Variants in USP8 observed in about 807,000 individuals in gnomAD.
The protein encoded by USP8 is ubiquitin carboxyl-terminal hydrolase 8.
USP8 carries 27 observed loss-of-function variants against 130.0 expected under a neutral mutation model. The ratio of observed to expected loss-of-function variants is 0.21; its 90% CI spans 0.15 to 0.29. USP8 has a LOEUF of 0.29. Ranked by LOEUF, USP8 falls within the 10% of genes least tolerant of loss-of-function variation. USP8 has a pLI of 1.00. For synonymous variants in USP8, 392 were observed against 444.1 expected, an observed-to-expected ratio of 0.88 and a Z score of 1.48; for missense variants, 1,029 against 1,312.2, an observed-to-expected ratio of 0.78 and a Z score of 3.33.
intron 1 of USP8, among the ~76,000 whole-genome samples, chr15:50,429,292 C>T (rs931276469): frequency 1.4e-5 from 2 of 145,858 alleles, no homozygotes; most frequent in African/African-American, 2.6e-5. Flanking sequence ...TGGGCATAAG[C>T]ATCCTGGAGG....
At position 50,441,363 on chromosome 15, in the gene USP8, C is replaced by A; in HGVS notation, c.119C>A (p.Ala40Asp). The A allele has an allele frequency of 6.3e-7, 1 of 1,596,456 alleles. No individual in the cohort carries two copies. The highest frequency in any genetic ancestry group is 1.8e-5 in the Admixed American group (1 of 54,604). ...CTAATTTTAAGTTATGTGCACAGTG[C>A]CCTGAAGATCTTTAAGACAGCAGAA... Reference protein sequence around the residue: ...KISTKSYVHSALKIFKTAEEC... With the variant: ...KISTKSYVHSDLKIFKTAEEC... Residue 40 changes from alanine to aspartate, a missense_variant, in exon 3 of 20, where the codon GCC (alanine) becomes GAC (aspartate). Ala to Asp is a moderately radical substitution (Grantham distance 126, BLOSUM62 -2). Transcript: ENST00000307179.
At chr15:50,497,309 G>T (rs1003509000) in intron 18 of USP8, 78 bp downstream of exon 18, 34 of 1,500,832 alleles carry the variant, frequency 2.3e-5, no homozygotes, top group Non-Finnish European at 2.9e-5. Flanking sequence ...TATACTTGTT[G>T]TACTGCCTGC....
At chr15:50,464,414 C>T (rs186763423) in intron 6 of USP8, among the ~76,000 whole-genome samples, 1 of 152,260 alleles carries the variant, frequency 6.6e-6, no homozygotes, top group Admixed American at 6.5e-5. Context: ...TTTTTGAAAA[C>T]ATACTATTTT....
chr15:50,434,300 A>G (rs140893062), intron 1 of USP8, among the ~76,000 whole-genome samples: 20 of 151,442 alleles, frequency 1.3e-4, no homozygotes, highest in Non-Finnish European at 2.7e-4. Flanking sequence ...ATGAGGTTTC[A>G]CCATGTTGGC....
intron 8 of USP8, among the ~76,000 whole-genome samples, chr15:50,472,089 G>A (rs1320038158): frequency 4.0e-5 from 6 of 151,404 alleles, no homozygotes; most frequent in Non-Finnish European, 4.4e-5. Context: ...TTAGAAGAGA[G>A]GGGGTTTCAC....
At chr15:50,444,811 C>T (rs1386180144) in intron 3 of USP8, among the ~76,000 whole-genome samples, 2 of 152,262 alleles carry the variant, frequency 1.3e-5, no homozygotes, top group South Asian at 2.1e-4. Flanking sequence ...GGTTGGAGTG[C>T]GGTGGGCACA....
intron 11 of USP8, among the ~76,000 whole-genome samples, chr15:50,483,823 T>C (rs2051857974): frequency 1.3e-5 from 2 of 152,216 alleles, no homozygotes; most frequent in East Asian, 1.9e-4. Flanking sequence ...TGTGATGTTA[T>C]AAGAAGATAT....
rs1187817723 is a variant in USP8, at chr15:50,441,445, G to T, written c.201G>T (p.Val67=). ...CCTATGTACTATATATGAAATACGT[G>T]ACTGTTTATAATCTTATCAAAAAAA... ...ERAYVLYMKY[V]TVYNLIKKRP... is the part of the protein sequence containing the mutation. The change falls in exon 3 of 20, where the codon GTG becomes GTT. Residue 67 remains valine (V), a synonymous_variant. Coordinates refer to ENST00000307179, the MANE Select transcript of USP8 (RefSeq NM_005154.5). 2 of 1,598,826 alleles carry T rather than the reference G, an allele frequency of 1.3e-6. No individual in the cohort carries two copies. The highest frequency in any genetic ancestry group is 1.8e-5 in the Admixed American group (1 of 56,348).
rs148955484 is a variant in USP8, at chr15:50,507,825, C to T, written c.*8737C>T. On this transcript the variant is annotated 3_prime_UTR_variant, in exon 20 of 20. Transcript: ENST00000307179. ...GTGGCTCATGCCTGTAATCCCAGCA[C>T]TTTGGGAGGCCAAGGCAGGCGAATC... 312 of 152,258 alleles carry T rather than the reference C, an allele frequency of 2.0e-3. 8 individuals carry two copies. The East Asian group carries it at 0.054, about 26-fold the overall frequency. The allele number at this position is 152,258 out of a possible 1,614,324, so 9.4% of individuals were successfully genotyped here. A position where few individuals can be genotyped will look rare whatever the true frequency, so the allele number is the denominator to read the frequency against.
At chr15:50,427,491 T>G (rs1357073495) in intron 1 of USP8, among the ~76,000 whole-genome samples, 1 of 152,110 alleles carries the variant, frequency 6.6e-6, no homozygotes, top group African/African-American at 2.4e-5. Flanking sequence ...AATATTAAAT[T>G]TATTAGTACT....
At chr15:50,482,701 A>G (rs1168805195) in intron 11 of USP8, among the ~76,000 whole-genome samples, 6 of 152,058 alleles carry the variant, frequency 3.9e-5, no homozygotes, top group Non-Finnish European at 5.9e-5. Context: ...TCATTATGTC[A>G]TTAACAATGC....
At position 50,481,894 on chromosome 15, in the gene USP8, G is replaced by A. The variant is rs562248830; in HGVS notation, c.1632G>A (p.Arg544=). The change falls in exon 11 of 20, where the codon AGG becomes AGA. Residue 544 remains arginine, a synonymous_variant. Transcript: ENST00000307179. ...KKEDKETSAK[R]GKEITGVKRQ... is the part of the protein sequence containing the mutation. ...AAGATAAAGAAACCTCAGCAAAGAG[G>A]GGCAAAGAAATAACAGGAGTAAAAA... The A allele has an allele frequency of 4.4e-6, 7 of 1,586,138 alleles. No homozygotes were observed. The East Asian group carries it at 9.1e-5, about 21-fold the overall frequency.
chr15:50,462,876 T>C (rs2051056673), intron 6 of USP8, among the ~76,000 whole-genome samples: 1 of 152,140 alleles, frequency 6.6e-6, no homozygotes, highest in Non-Finnish European at 1.5e-5. Context: ...GACTAGGTTG[T>C]AGATTTAATT....
chr15:50,452,758 AC>A, intron 4 of USP8, among the ~76,000 whole-genome samples: 1 of 152,260 alleles, frequency 6.6e-6, no homozygotes, highest in Middle Eastern at 3.4e-3. Flanking sequence ...TAATCATAAA[AC>A]CTACCTCATA....
At chr15:50,456,652 G>A (rs1052764420) in intron 4 of USP8, among the ~76,000 whole-genome samples, 1 of 152,084 alleles carries the variant, frequency 6.6e-6, no homozygotes, top group Non-Finnish European at 1.5e-5. Flanking sequence ...TTGGGAGGCC[G>A]ACGAGGGTGG....
intron 18 of USP8, 151 bp from the exon 19 acceptor site, chr15:50,498,445 T>C (rs529900392): frequency 5.0e-6 from 5 of 1,002,086 alleles, no homozygotes; most frequent in South Asian, 2.3e-5. Flanking sequence ...TGAAGCCAAA[T>C]GTCTTTAACA....
At position 50,512,191 on chromosome 15, in the gene USP8, A is replaced by G. The variant is rs2141353441; in HGVS notation, c.*13103A>G. 6.6e-6 allele frequency: 1 copy of G among 151,376 alleles called. No individual in the cohort carries two copies. The highest frequency in any genetic ancestry group is 1.5e-5 in the Non-Finnish European group (1 of 67,816). 9.4% of individuals were successfully genotyped at this position (151,376 alleles called of 1,614,324 possible). A position where few individuals can be genotyped will look rare whatever the true frequency, so the allele number is the denominator to read the frequency against. ...GTGAAACCCCACCTCTACTAAAAAT[A>G]CAAAAATACACCTGTAGTCCCAGCT... On this transcript the variant is annotated 3_prime_UTR_variant, in exon 20 of 20. Transcript: ENST00000307179.
intron 8 of USP8, among the ~76,000 whole-genome samples, chr15:50,472,595 T>TG (rs1429110573): frequency 7.7e-6 from 1 of 130,214 alleles, no homozygotes; most frequent in Non-Finnish European, 1.6e-5. Flanking sequence ...AGACTCTGTC[T>TG]GGAAAAAAAA....
At chr15:50,433,618 A>T (rs1013124514) in intron 1 of USP8, among the ~76,000 whole-genome samples, 12 of 150,488 alleles carry the variant, frequency 8.0e-5, no homozygotes, top group East Asian at 1.9e-4. Flanking sequence ...TTATTTATTT[A>T]TTTTTTTTTG....
Sources: allele counts gnomAD v4.1 joint callset (sites outside exome capture counted in the v4.1 genomes callset), GRCh38; gene constraint gnomAD v4.1.1; transcripts MANE v1.5; gene names NCBI Gene and HGNC (gene_info 2026-07-23, HGNC 2026-07-21).